The following SCN1A variants were observed in gnomAD, a reference collection of about 807,000 sequenced individuals.
The protein encoded by SCN1A is sodium voltage-gated channel alpha subunit 1.
In SCN1A, 13 loss-of-function variants were observed where a neutral mutation model predicts 193.7. The ratio of observed to expected loss-of-function variants is 0.07; its 90% CI spans 0.04 to 0.11. SCN1A has a LOEUF of 0.11. Ranked by LOEUF, SCN1A falls within the 10% of genes least tolerant of loss-of-function variation. SCN1A has a pLI of 1.00. For synonymous variants in SCN1A, 781 were observed against 843.6 expected (o/e 0.93, Z 1.29); for missense variants, 1,432 against 2,451.1 (o/e 0.58, Z 8.78).
intron 19 of SCN1A, among the ~76,000 whole-genome samples, chr2:166,019,974 G>A (rs767613688): frequency 6.7e-6 from 1 of 149,840 alleles, no homozygotes; most frequent in South Asian, 2.1e-4. Flanking sequence ...GCAGTGGCGC[G>A]ATCTCGGCTC....
At chr2:166,035,546 T>C (rs1167923684) in intron 19 of SCN1A, among the ~76,000 whole-genome samples, 1 of 152,228 alleles carries the variant, frequency 6.6e-6, no homozygotes, top group Non-Finnish European at 1.5e-5. Flanking sequence ...GGTTAGTTCC[T>C]GATAAACTCA....
rs1279630050 is a variant in SCN1A, at chr2:165,992,687, G to C, written c.4853-265C>G. The C allele has an allele frequency of 5.5e-6, 1 of 180,824 alleles. No homozygotes were observed. Among genetic ancestry groups the C allele is most frequent in the Non-Finnish European group, 1.1e-5 (1 of 90,326 alleles). 11.2% of individuals were successfully genotyped at this position (180,824 alleles called of 1,614,324 possible). Reference sequence around the variant, plus strand: ...ATAAACTACTTTTAGTTTATGTAAAGTCCCAAGTCAGAATTTAAAAAGAAA... The same window carrying C: ...ATAAACTACTTTTAGTTTATGTAAACTCCCAAGTCAGAATTTAAAAAGAAA... On this transcript the variant is annotated intron_variant, in intron 28 of 28. Transcript: ENST00000674923. The surrounding 1 kb of genome is among the most constrained non-coding windows in gnomAD (Gnocchi z 6.5).
chr2:166,083,020 A>G (rs1685706012), intron 2 of SCN1A, among the ~76,000 whole-genome samples: 1 of 152,076 alleles, frequency 6.6e-6, no homozygotes, highest in South Asian at 2.1e-4. Context: ...TTTACAAAAG[A>G]ATGTTACTGC....
intron 23 of SCN1A, among the ~76,000 whole-genome samples, chr2:166,008,424 C>A (rs2105557106): frequency 6.6e-6 from 1 of 151,110 alleles, no homozygotes; most frequent in East Asian, 1.9e-4. Flanking sequence ...ACACAAATGA[C>A]ATTTTTTTTC....
chr2:166,019,807 G>A (rs770360717), intron 19 of SCN1A, among the ~76,000 whole-genome samples: 11 of 152,004 alleles, frequency 7.2e-5, no homozygotes, highest in Non-Finnish European at 1.3e-4. Context: ...CTCTGTTTCA[G>A]ATATTAGTGA....
Position 165,986,770 on chromosome 2 carries a change from A to G in SCN1A, c.*4475T>C, listed in dbSNP as rs2105399972. ...TACTTTTATCTATGTCTGTTTACAT[A>G]CATACATATATATATAAATGTAACT... is the stretch of plus-strand genomic sequence containing the variant. On this transcript the variant is annotated 3_prime_UTR_variant, in exon 29 of 29. Transcript: ENST00000674923. 6.6e-6 allele frequency: 1 copy of G among 151,864 alleles called. No homozygotes were observed. The highest frequency in any genetic ancestry group is 6.6e-5 in the Admixed American group (1 of 15,246). The allele number at this position is 151,864 out of a possible 1,614,324, so 9.4% of individuals were successfully genotyped here. A position where few individuals can be genotyped will look rare whatever the true frequency, so the allele number is the denominator to read the frequency against.
At chr2:166,023,725 C>T (rs1356962605) in intron 19 of SCN1A, among the ~76,000 whole-genome samples, 1 of 151,018 alleles carries the variant, frequency 6.6e-6, no homozygotes, top group East Asian at 1.9e-4. Context: ...TGTGATCAGT[C>T]TGGTCAACAT....
At chr2:165,993,053 T>C (rs1294090193) in intron 28 of SCN1A, 3 of 152,074 alleles carry the variant, frequency 2.0e-5, no homozygotes, top group Non-Finnish European at 4.4e-5. Flanking sequence ...CTCAGTCTTC[T>C]TATTTTCAGC....
intron 9 of SCN1A, among the ~76,000 whole-genome samples, chr2:166,049,618 C>A (rs1396552295): frequency 6.6e-6 from 1 of 151,932 alleles, no homozygotes; most frequent in Non-Finnish European, 1.5e-5. Flanking sequence ...CTGTTTCTTG[C>A]AAACTCCTTG....
chr2:166,143,408 T>C (rs978413343), intron 1 of SCN1A, among the ~76,000 whole-genome samples: 15 of 151,930 alleles, frequency 9.9e-5, no homozygotes, highest in Non-Finnish European at 2.1e-4. Flanking sequence ...CCTCATGATC[T>C]GCCCACCTCA....
chr2:165,991,478 G>A lies in SCN1A; in HGVS notation c.5797C>T (p.Arg1933Ter), dbSNP rs1351809843. 2.5e-6 allele frequency: 4 copies of A among 1,613,780 alleles called. No homozygotes were observed. The highest frequency in any genetic ancestry group is 3.4e-6 in the Non-Finnish European group (4 of 1,179,836). ...QRAYRRHLLK[R>*]TVKQASFTYN... Reference sequence around the variant, plus strand: ...GTAAAGGAAGCTTGTTTTACAGTTCGCTTTAAAAGGTGGCGTCTGTAAGCA... The same window carrying A: ...GTAAAGGAAGCTTGTTTTACAGTTCACTTTAAAAGGTGGCGTCTGTAAGCA... The change falls in exon 29 of 29, where the codon CGA becomes TGA. Residue 1933 changes from arginine (R) to a stop codon, truncating the protein, a stop_gained. Transcript: ENST00000674923. LOFTEE classifies it high-confidence loss of function.
chr2:166,016,329 T>G (rs1212264052), intron 19 of SCN1A: 1 of 152,270 alleles, frequency 6.6e-6, no homozygotes, highest in African/African-American at 2.4e-5. Flanking sequence ...AATAGACATC[T>G]TCAATTTCTG....
chr2:166,021,830 G>GT (rs1480209212), intron 19 of SCN1A, among the ~76,000 whole-genome samples: 2 of 152,102 alleles, frequency 1.3e-5, no homozygotes, highest in Non-Finnish European at 2.9e-5. Context: ...TCCAGCCAAT[G>GT]TTCTCCAGAG....
chr2:166,078,224 C>A (rs1331950643), intron 2 of SCN1A, among the ~76,000 whole-genome samples: 2 of 151,710 alleles, frequency 1.3e-5, no homozygotes, highest in Non-Finnish European at 3.0e-5. Flanking sequence ...AATACCTAAA[C>A]ACTGTCTCTA....
chr2:166,047,308 C>T (rs944122548), intron 11 of SCN1A, among the ~76,000 whole-genome samples: 4 of 152,018 alleles, frequency 2.6e-5, no homozygotes, highest in African/African-American at 9.7e-5. Flanking sequence ...TCTGCTTTTT[C>T]ATTTTCATTA....
At position 166,041,547 on chromosome 2, in the gene SCN1A, C is replaced by T; in HGVS notation, c.2177-78G>A. The T allele has an allele frequency of 3.0e-6, 3 of 986,742 alleles. No individual in the cohort carries two copies. The South Asian group carries it at 4.2e-5, about 14-fold the overall frequency. 61.1% of individuals were successfully genotyped at this position (986,742 alleles called of 1,614,324 possible). A position where few individuals can be genotyped will look rare whatever the true frequency, so the allele number is the denominator to read the frequency against. On this transcript the variant is annotated intron_variant, in intron 15 of 28. Transcript: ENST00000674923. ...ACACATTTATTTCATATCCACTAAA[C>T]TTATTTTCAGTAATCAACACATTTT...
At chr2:166,002,331 TA>T in intron 24 of SCN1A, 140 bp downstream of exon 24, 1 of 875,702 alleles carries the variant, frequency 1.1e-6, no homozygotes, top group Non-Finnish European at 1.7e-6. Flanking sequence ...TCTGGGCTCA[TA>T]AACTTGTACT....
intron 2 of SCN1A, among the ~76,000 whole-genome samples, chr2:166,103,381 G>A (rs759934678): frequency 2.0e-5 from 3 of 151,904 alleles, no homozygotes; most frequent in African/African-American, 4.8e-5. Flanking sequence ...AACCCGGGAG[G>A]TGGAGGTTGC....
rs577323922 is a variant in SCN1A, at chr2:166,007,399, C to T, written c.4002+2320G>A. On this transcript the variant is annotated intron_variant, in intron 23 of 28. Transcript: ENST00000674923. ...GATGCTCTCCGTCTGTTTCCCTATC[C>T]ATTAAGACTTGAGTTCTTTTGAAAA... 8.6e-5 allele frequency: 13 copies of T among 151,272 alleles called. No homozygotes were observed. The South Asian group carries it at 2.7e-3, about 32-fold the overall frequency. The allele number at this position is 151,272 out of a possible 1,614,324, so 9.4% of individuals were successfully genotyped here. A position where few individuals can be genotyped will look rare whatever the true frequency, so the allele number is the denominator to read the frequency against.
Sources: gnomAD v4.1 joint callset for allele counts (sites outside exome capture counted in the v4.1 genomes callset) on GRCh38, gnomAD v4.1.1 for gene constraint, Gnocchi (gnomAD v3.1) non-coding constraint, MANE v1.5 for transcripts, NCBI Gene and HGNC (gene_info 2026-07-23, HGNC 2026-07-21) for gene names.